Variants in ADGRG1 observed in about 807,000 individuals in gnomAD.
ADGRG1 encodes the protein adhesion G protein-coupled receptor G1, also known as 7-transmembrane protein with no EGF-like N-terminal domains-1.
ADGRG1 carries 53 observed loss-of-function variants against 73.5 expected under a neutral mutation model. The observed-to-expected ratio is 0.72, with a 90% confidence interval of 0.58 to 0.91. The LOEUF (loss-of-function observed/expected upper bound fraction) is 0.91. ADGRG1 is among the 40% of genes least tolerant of loss of function. ADGRG1 has a pLI of 0.00. For missense variants in ADGRG1, 795 were observed against 871.8 expected (o/e 0.91, Z 1.11); for synonymous variants, 394 against 374.4 (o/e 1.05, Z -0.60).
At chr16:57,651,774 G>T in intron 3 of ADGRG1, 152 bp downstream of exon 3, 1 of 1,505,900 alleles carries the variant, frequency 6.6e-7, no homozygotes, top group South Asian at 1.3e-5. Context: ...TCTGAGGAGG[G>T]GAGGAGTGTA....
intron 5 of ADGRG1, 73 bp from the exon 6 acceptor site, chr16:57,655,326 T>C: frequency 6.3e-7 from 1 of 1,597,378 alleles, no homozygotes; most frequent in Non-Finnish European, 8.5e-7. Context: ...TGGGTGTGTG[T>C]GTGTGTGTGC....
rs756879067 is a variant in ADGRG1 at position 57,651,361 on chromosome 16, C to T, written c.226C>T (p.Pro76Ser). ...CCATGCCCCTTTCCCTGCAGCCCAC[C>T]CTGCTTCCCGATCCTTCCCTGACCC... ...TVHAPFPAAH[P>S]ASRSFPDPRG... Residue 76 changes from proline (P) to serine (S), a missense_variant, in exon 3 of 14, where the codon CCT becomes TCT. By Grantham distance (74) the Pro-to-Ser change is moderately conservative. Coordinates refer to ENST00000562631, the MANE Select transcript of ADGRG1 (RefSeq NM_201525.4). The T allele has an allele frequency of 6.2e-7, 1 of 1,614,220 alleles. No individual in the cohort carries two copies. Among genetic ancestry groups the T allele is most frequent in the Non-Finnish European group, 8.5e-7 (1 of 1,180,038 alleles).
Position 57,656,538 on chromosome 16 carries a change from G to C in ADGRG1, c.1088G>C (p.Ser363Thr). Reference protein sequence around the residue: ...PTLSSPGHWSSAGCETVRRET... With the variant: ...PTLSSPGHWSTAGCETVRRET... Reference sequence around the variant, plus strand: ...GTGAGCAGCCCGGGGCATTGGAGCAGTGCTGGGTGTGAGACCGTCAGGAGA... The same window carrying C: ...GTGAGCAGCCCGGGGCATTGGAGCACTGCTGGGTGTGAGACCGTCAGGAGA... The change falls in exon 9 of 14, where the codon AGT becomes ACT. Residue 363 changes from serine to threonine, a missense_variant. By Grantham distance (58) the Ser-to-Thr change is moderately conservative (BLOSUM62 1). Transcript: ENST00000562631. 1 of 1,613,844 alleles carries C rather than the reference G, an allele frequency of 6.2e-7. No homozygotes were observed. Among genetic ancestry groups the C allele is most frequent in the Non-Finnish European group, 8.5e-7 (1 of 1,179,724 alleles).
intron 7 of ADGRG1, 33 bp downstream of exon 7, chr16:57,656,025 G>T (rs376846119): frequency 1.4e-5 from 23 of 1,613,720 alleles, no homozygotes; most frequent in Non-Finnish European, 1.9e-5. Flanking sequence ...GAGAACAAGC[G>T]CCCCTCGGCC....
upstream of ADGRG1, among the ~76,000 whole-genome samples, chr16:57,625,847 A>G (rs1292222487): frequency 2.6e-5 from 4 of 152,118 alleles, no homozygotes; most frequent in South Asian, 4.2e-4. Context: ...CCTTCCAAGC[A>G]TGGCTCCATG....
intron 10 of ADGRG1, 43 bp from the exon 11 acceptor site, chr16:57,659,370 C>A: frequency 6.2e-7 from 1 of 1,612,346 alleles, no homozygotes; most frequent in South Asian, 1.1e-5. Context: ...ACTCCCCTCT[C>A]TACCTTCCCA....
intron 1 of ADGRG1, chr16:57,645,236 G>T (rs2042295737): frequency 1.0e-6 from 1 of 985,190 alleles, no homozygotes; most frequent in Admixed American, 6.2e-5. Flanking sequence ...AAGTTGAGCT[G>T]GGGGGGTCTT....
chr16:57,658,544 T>G (rs11866053), intron 10 of ADGRG1, among the ~76,000 whole-genome samples: 1 of 152,242 alleles, frequency 6.6e-6, no homozygotes, highest in South Asian at 2.1e-4. Context: ...CCTATATGAC[T>G]GTCCTGTGTG....
At chr16:57,625,168 G>T (rs1425728692), upstream of ADGRG1, among the ~76,000 whole-genome samples, 4 of 152,050 alleles carry the variant, frequency 2.6e-5, no homozygotes, top group East Asian at 3.9e-4. Flanking sequence ...GGACTCCGTC[G>T]CCAGCCAATG....
chr16:57,645,107 C>T (rs376419494), intron 1 of ADGRG1: 9 of 984,950 alleles, frequency 9.1e-6, no homozygotes, highest in East Asian at 1.1e-4. Context: ...AGTTCATCCT[C>T]ACCCTGCCGC....
At chr16:57,655,729 T>C (rs544325266) in intron 6 of ADGRG1, 147 bp from the exon 7 acceptor site, 41 of 1,603,422 alleles carry the variant, frequency 2.6e-5, no homozygotes, top group African/African-American at 9.4e-5. Flanking sequence ...AATGACTACA[T>C]GGGCAAAAGT....
At chr16:57,630,275 C>T in intron 1 of ADGRG1, 3 of 730,388 alleles carry the variant, frequency 4.1e-6, no homozygotes, top group Non-Finnish European at 5.0e-6. Context: ...CATGGGCTGC[C>T]AAGTTGGCTC....
At chr16:57,646,819 G>T (rs2042768249) in intron 1 of ADGRG1, 2 of 817,350 alleles carry the variant, frequency 2.4e-6, no homozygotes, top group Non-Finnish European at 3.0e-6. Context: ...TGAGGGTTTG[G>T]TGTGATAACG....
intron 1 of ADGRG1, chr16:57,633,276 G>A: frequency 1.0e-6 from 1 of 974,548 alleles, no homozygotes; most frequent in Non-Finnish European, 1.2e-6. Context: ...TCAGCTGGAG[G>A]TTTAATCTTC....
intron 1 of ADGRG1, chr16:57,644,123 C>G (rs773167480): frequency 1.0e-6 from 1 of 985,066 alleles, no homozygotes; most frequent in Non-Finnish European, 1.2e-6. Flanking sequence ...CTCCCTGTCC[C>G]CTTCCCAGCT....
chr16:57,636,354 C>T (rs2039364569), intron 1 of ADGRG1: 1 of 985,392 alleles, frequency 1.0e-6, no homozygotes, highest in East Asian at 1.1e-4. Context: ...AAGGCATGCG[C>T]TCCCAGGCTT....
chr16:57,632,431 AAG>A, intron 1 of ADGRG1: 1 of 645,574 alleles, frequency 1.5e-6, no homozygotes. Flanking sequence ...TATGAGCATG[AAG>A]AGAGTTGATA....
At chr16:57,646,733 A>G (rs2042746876) in intron 1 of ADGRG1, 2 of 976,710 alleles carry the variant, frequency 2.0e-6, no homozygotes, top group South Asian at 4.7e-5. Flanking sequence ...GTGATCTCAG[A>G]ACACACAGCC....
intron 1 of ADGRG1, chr16:57,630,288 C>T (rs374984252): frequency 1.2e-6 from 1 of 853,148 alleles, no homozygotes; most frequent in Middle Eastern, 6.0e-4. Flanking sequence ...GTTGGCTCCC[C>T]AGAGCCCAGG....
Sources: gnomAD v4.1 joint callset for allele counts (sites outside exome capture counted in the v4.1 genomes callset) on GRCh38, gnomAD v4.1.1 for gene constraint, MANE v1.5 for transcripts, NCBI Gene and HGNC (gene_info 2026-07-23, HGNC 2026-07-21) for gene names.